Variants in ZNF141 observed in about 807,000 individuals in gnomAD.
ZNF141 encodes the protein zinc finger protein 141.
In ZNF141, 7 loss-of-function variants were observed where a neutral mutation model predicts 11.3. That is an observed-to-expected ratio of 0.62 (90% CI 0.35 to 1.16). ZNF141 has a LOEUF of 1.16. Ranked by LOEUF, ZNF141 falls within the 50% of genes most tolerant of loss-of-function variation. The probability of loss-of-function intolerance (pLI) is 0.02; values close to 1 mark genes in which losing one functional copy is unlikely to be tolerated. For missense variants in ZNF141, 535 were observed against 554.0 expected (o/e 0.97, Z 0.34); for synonymous variants, 183 against 190.7 (o/e 0.96, Z 0.33).
rs958923662 is a variant in ZNF141 at position 373,044 on chromosome 4, G to A, written c.607G>A (p.Glu203Lys). Residue 203 changes from glutamate (E) to lysine (K), a missense_variant, in exon 4 of 4, where the codon GAA (glutamate) becomes AAA (lysine). Transcript: ENST00000240499. ...TGGAGAGAAACCCTACACTTGTGAA[G>A]AATGTGGCAAAGCCTTTAAATGGTC... The part of the protein sequence containing the change: ...HAGEKPYTCE[E>K]CGKAFKWSLI... The A allele has an allele frequency of 1.8e-5, 29 of 1,613,826 alleles. No homozygotes were observed. The highest frequency in any genetic ancestry group is 3.3e-5 in the Admixed American group (2 of 59,988).
intron 3 of ZNF141, among the ~76,000 whole-genome samples, chr4:368,231 A>C (rs781810457): frequency 1.3e-5 from 2 of 151,836 alleles, no homozygotes; most frequent in African/African-American, 4.8e-5. Context: ...GTAATGTTTC[A>C]TTTTTTTAAA....
At position 376,494 on chromosome 4, in the gene ZNF141, A is replaced by G. The variant is rs1458071109; in HGVS notation, c.*2632A>G. 1.3e-5 allele frequency among the ~76,000 whole-genome samples: 2 copies of G among 152,114 alleles called. No homozygotes were observed. The highest frequency in any genetic ancestry group is 2.9e-5 in the Non-Finnish European group (2 of 67,938). Reference sequence around the variant, plus strand: ...CACTTTAATTATTTCTAAATGTACAATTATGATTGTAGTATTATATCAGTA... The same window carrying G: ...CACTTTAATTATTTCTAAATGTACAGTTATGATTGTAGTATTATATCAGTA... On this transcript the variant is annotated 3_prime_UTR_variant, in exon 4 of 4. Coordinates refer to ENST00000240499, the MANE Select transcript of ZNF141 (RefSeq NM_003441.4).
Position 380,175 on chromosome 4 carries a change from C to T in ZNF141, c.*6313C>T, listed in dbSNP as rs187328127. On this transcript the variant is annotated 3_prime_UTR_variant, in exon 4 of 4. Transcript: ENST00000240499. Reference sequence around the variant, plus strand: ...AATGAAAAGATTTCCTCCCTTTTAACGTTGAATTGTATTTCCTTGTGTATA... The same window carrying T: ...AATGAAAAGATTTCCTCCCTTTTAATGTTGAATTGTATTTCCTTGTGTATA... Among the ~76,000 whole-genome samples the T allele has an allele frequency of 1.1e-3, 170 of 152,240 alleles. No individual in the cohort carries two copies. The highest frequency in any genetic ancestry group is 2.2e-3 in the Non-Finnish European group (148 of 68,014).
intron 3 of ZNF141, among the ~76,000 whole-genome samples, chr4:367,032 C>T (rs1032249907): frequency 4.6e-5 from 7 of 152,112 alleles, no homozygotes; most frequent in East Asian, 1.9e-4. Flanking sequence ...AGAAACTCAA[C>T]GAATTAGGTA....
chr4:345,155 G>A (rs1176022698), intron 3 of ZNF141, among the ~76,000 whole-genome samples: 3 of 152,104 alleles, frequency 2.0e-5, no homozygotes, highest in African/African-American at 7.2e-5. Context: ...GTGGGATTTG[G>A]TTCAGAAATC....
chr4:369,861 G>A (rs1287516925), intron 3 of ZNF141, among the ~76,000 whole-genome samples: 1 of 146,780 alleles, frequency 6.8e-6, no homozygotes, highest in African/African-American at 2.5e-5. Context: ...CTGCCTCTTG[G>A]GTTCAAGCGA....
At chr4:371,177 TTTA>T (rs1712039903) in intron 3 of ZNF141, among the ~76,000 whole-genome samples, 2 of 150,494 alleles carry the variant, frequency 1.3e-5, no homozygotes, top group African/African-American at 4.9e-5. Flanking sequence ...CTCATTGAGT[TTTA>T]TTCAGGTCAA....
Position 373,551 on chromosome 4 carries a change from T to C in ZNF141, c.1114T>C (p.Cys372Arg), listed in dbSNP as rs1712194277. The change falls in exon 4 of 4, where the codon TGT becomes CGT. Residue 372 changes from cysteine (C) to arginine (R), a missense_variant. Cys to Arg is a radical substitution (Grantham distance 180). Coordinates refer to ENST00000240499, the MANE Select transcript of ZNF141 (RefSeq NM_003441.4). Reference protein sequence around the residue: ...TGERPYKCDECGKAFGRSRVL... With the variant: ...TGERPYKCDERGKAFGRSRVL... ...AGAGCGGCCCTACAAATGTGATGAATGTGGCAAAGCCTTTGGACGGTCCAG... is the reference window on the plus strand; with the variant it reads ...AGAGCGGCCCTACAAATGTGATGAACGTGGCAAAGCCTTTGGACGGTCCAG... 1 of 1,613,924 alleles carries C rather than the reference T, an allele frequency of 6.2e-7. No individual in the cohort carries two copies. The highest frequency in any genetic ancestry group is 2.2e-5 in the East Asian group (1 of 44,872).
At chr4:353,457 A>AT (rs1443607075) in intron 3 of ZNF141, among the ~76,000 whole-genome samples, 15 of 122,274 alleles carry the variant, frequency 1.2e-4, no homozygotes, top group Admixed American at 6.9e-4. Context: ...ATTTATTATT[A>AT]TTATTATTAT....
rs180988715 is a variant in ZNF141 at position 377,357 on chromosome 4, C to T, written c.*3495C>T. ...GTAAGAGATTGAAAATAATCTGTGG[C>T]GAACAAATGGCATTAATTGTGCATG... is the stretch of plus-strand genomic sequence containing the variant. On this transcript the variant is annotated 3_prime_UTR_variant, in exon 4 of 4. Transcript: ENST00000240499. Among the ~76,000 whole-genome samples, 223 of 152,210 alleles carry T rather than the reference C, an allele frequency of 1.5e-3. 1 individual carries two copies. The highest frequency in any genetic ancestry group is 5.1e-3 in the African/African-American group (213 of 41,522).
intron 3 of ZNF141, among the ~76,000 whole-genome samples, chr4:345,696 C>T (rs1363223616): frequency 6.9e-6 from 1 of 145,750 alleles, no homozygotes; most frequent in Non-Finnish European, 1.5e-5. Context: ...CCATTGCACT[C>T]CAGCCTGGGC....
chr4:356,473 G>A (rs1297243819), intron 3 of ZNF141, among the ~76,000 whole-genome samples: 1 of 151,658 alleles, frequency 6.6e-6, no homozygotes, highest in Non-Finnish European at 1.5e-5. Flanking sequence ...CTACAGGCGC[G>A]TGCCACCACA....
chr4:377,769 G>A lies in ZNF141; in HGVS notation c.*3907G>A, dbSNP rs1712438684. ...ATAAAGTGTGTAAAATGTAACAAAA[G>A]TTAGAATAAGTAAAACATTAATATA... On this transcript the variant is annotated 3_prime_UTR_variant, in exon 4 of 4. Coordinates refer to ENST00000240499, the MANE Select transcript of ZNF141 (RefSeq NM_003441.4). Among the ~76,000 whole-genome samples, 1 of 152,162 alleles carries A rather than the reference G, an allele frequency of 6.6e-6. No individual in the cohort carries two copies. The highest frequency in any genetic ancestry group is 2.4e-5 in the African/African-American group (1 of 41,438).
At chr4:356,805 AT>A (rs1166644156) in intron 3 of ZNF141, among the ~76,000 whole-genome samples, 1 of 151,198 alleles carries the variant, frequency 6.6e-6, no homozygotes, top group Non-Finnish European at 1.5e-5. Flanking sequence ...CTGTTTTTTA[AT>A]TCCTTCATGC....
At chr4:354,854 C>T (rs1213350010) in intron 3 of ZNF141, among the ~76,000 whole-genome samples, 14 of 151,724 alleles carry the variant, frequency 9.2e-5, no homozygotes, top group African/African-American at 2.7e-4. Context: ...AATTTCCTTC[C>T]GGTGTTGATT....
Position 374,379 on chromosome 4 carries a change from G to A in ZNF141, c.*517G>A, listed in dbSNP as rs1432805593. 6 of 360,876 alleles carry A rather than the reference G, an allele frequency of 1.7e-5. No individual in the cohort carries two copies. Among genetic ancestry groups the A allele is most frequent in the South Asian group, 4.6e-5 (2 of 43,482 alleles). 22.4% of individuals were successfully genotyped at this position (360,876 alleles called of 1,614,324 possible). On this transcript the variant is annotated 3_prime_UTR_variant, in exon 4 of 4. Transcript: ENST00000240499. ...TGCTGGAGCAAAATGCTTCACATGCGAAGAATGTGGCACAGTCTTTACCAC... is the reference window on the plus strand; with the variant it reads ...TGCTGGAGCAAAATGCTTCACATGCAAAGAATGTGGCACAGTCTTTACCAC...
chr4:343,423 A>C (rs576513307), intron 1 of ZNF141, among the ~76,000 whole-genome samples: 4 of 152,300 alleles, frequency 2.6e-5, no homozygotes, highest in African/African-American at 7.2e-5. Flanking sequence ...CCTGTAGTCA[A>C]ATTAAGAACT....
chr4:369,188 C>T (rs923061928), intron 3 of ZNF141, among the ~76,000 whole-genome samples: 1 of 152,162 alleles, frequency 6.6e-6, no homozygotes, highest in Non-Finnish European at 1.5e-5. Flanking sequence ...CACACACACA[C>T]ATTAATATAT....
intron 1 of ZNF141, among the ~76,000 whole-genome samples, chr4:340,305 A>G (rs1720985804): frequency 6.6e-6 from 1 of 152,256 alleles, no homozygotes; most frequent in Non-Finnish European, 1.5e-5. Context: ...CCAAAGCTGC[A>G]AACAAAATGA....
Sources: gnomAD v4.1 joint callset for allele counts (sites outside exome capture counted in the v4.1 genomes callset) on GRCh38, gnomAD v4.1.1 for gene constraint, MANE v1.5 for transcripts, NCBI Gene and HGNC (gene_info 2026-07-23, HGNC 2026-07-21) for gene names.